The following OSBPL10 variants were observed in gnomAD, a reference collection of about 807,000 sequenced individuals.
OSBPL10 encodes oxysterol binding protein like 10.
In OSBPL10, 49 loss-of-function variants were observed where a neutral mutation model predicts 81.7. The ratio of observed to expected loss-of-function variants is 0.60; its 90% CI spans 0.48 to 0.76. The LOEUF (loss-of-function observed/expected upper bound fraction) is 0.76. OSBPL10 is among the 30% of genes least tolerant of loss of function. The probability of loss-of-function intolerance (pLI) is 0.00; values close to 1 mark genes in which losing one functional copy is unlikely to be tolerated. For synonymous variants in OSBPL10, 419 were observed against 383.6 expected (o/e 1.09, Z -1.08); for missense variants, 923 against 987.8 (o/e 0.93, Z 0.88).
At chr3:31,797,000 T>TTTG (rs1699239653) in intron 4 of OSBPL10, among the ~76,000 whole-genome samples, 1 of 144,442 alleles carries the variant, frequency 6.9e-6, no homozygotes, top group South Asian at 2.2e-4. Flanking sequence ...TTAATTTTTT[T>TTTG]TTTTTTTTTT....
chr3:31,807,553 G>A (rs1699552253), intron 4 of OSBPL10, among the ~76,000 whole-genome samples: 1 of 146,074 alleles, frequency 6.8e-6, no homozygotes, highest in African/African-American at 2.6e-5. Context: ...TATCATTTGA[G>A]TTCAAGACCA....
At chr3:32,002,124 T>C (rs1699155192) in intron 2 of OSBPL10, among the ~76,000 whole-genome samples, 1 of 152,188 alleles carries the variant, frequency 6.6e-6, no homozygotes, top group African/African-American at 2.4e-5. Flanking sequence ...CAAGTCCATC[T>C]AGGGGAAAAC....
chr3:31,907,203 A>G (rs575249076), intron 1 of OSBPL10, among the ~76,000 whole-genome samples: 2 of 152,322 alleles, frequency 1.3e-5, no homozygotes, highest in South Asian at 2.1e-4. Flanking sequence ...TCAGACCAAA[A>G]AAGAACTCTA....
intron 2 of OSBPL10, among the ~76,000 whole-genome samples, chr3:32,039,905 G>C (rs576638786): frequency 6.6e-6 from 1 of 152,032 alleles, no homozygotes; most frequent in Non-Finnish European, 1.5e-5. Context: ...TCTCACTCAC[G>C]GATAGGTGTG....
intron 1 of OSBPL10, among the ~76,000 whole-genome samples, chr3:31,886,769 G>A (rs573986516): frequency 2.4e-4 from 37 of 152,020 alleles, no homozygotes; most frequent in African/African-American, 8.0e-4. Context: ...GTGAAACCTC[G>A]TCTCTACTAA....
chr3:31,775,476 T>C (rs1400644420), intron 4 of OSBPL10, among the ~76,000 whole-genome samples: 3 of 147,844 alleles, frequency 2.0e-5, no homozygotes, highest in African/African-American at 7.3e-5. Context: ...GTGGATGCCT[T>C]GAAACAGATC....
intron 2 of OSBPL10, among the ~76,000 whole-genome samples, chr3:32,017,538 C>T (rs1158693100): frequency 1.3e-5 from 2 of 151,988 alleles, no homozygotes; most frequent in African/African-American, 4.8e-5. Flanking sequence ...TTCTCTTAAT[C>T]TACTGTTTGG....
intron 1 of OSBPL10, among the ~76,000 whole-genome samples, chr3:31,946,005 G>T (rs754902305): frequency 6.6e-6 from 1 of 150,968 alleles, no homozygotes; most frequent in Non-Finnish European, 1.5e-5. Flanking sequence ...TTCTGAGATG[G>T]GTTTCACTCT....
chr3:32,008,697 G>C (rs1259612537), intron 2 of OSBPL10, among the ~76,000 whole-genome samples: 1 of 150,350 alleles, frequency 6.7e-6, no homozygotes, highest in Admixed American at 6.6e-5. Context: ...CTGCGGTAAG[G>C]CAAGATTGCA....
intron 6 of OSBPL10, among the ~76,000 whole-genome samples, chr3:31,730,634 A>G (rs1696946871): frequency 6.6e-6 from 1 of 152,372 alleles, no homozygotes; most frequent in East Asian, 1.9e-4. Flanking sequence ...ACTACATTTT[A>G]TAACAGAGCC....
chr3:31,672,376 GA>G, intron 8 of OSBPL10, among the ~76,000 whole-genome samples: 1 of 112,012 alleles, frequency 8.9e-6, no homozygotes. Context: ...GGGGGGGCAG[GA>G]GGGAGGGAGA....
upstream of OSBPL10, among the ~76,000 whole-genome samples, chr3:31,982,586 C>A (rs945833205): frequency 5.3e-5 from 8 of 151,836 alleles, no homozygotes; most frequent in Admixed American, 4.6e-4. Flanking sequence ...GGAGAAGCTT[C>A]TGGAGTTGAA....
At chr3:31,852,600 C>G (rs780694051) in intron 3 of OSBPL10, among the ~76,000 whole-genome samples, 58 of 147,256 alleles carry the variant, frequency 3.9e-4, no homozygotes, top group Non-Finnish European at 7.5e-4. Flanking sequence ...TGTTTTGAGA[C>G]AGGGTTTCGC....
At chr3:31,876,405 G>A (rs1307460521) in intron 3 of OSBPL10, 28 bp downstream of exon 3, 1 of 1,562,878 alleles carries the variant, frequency 6.4e-7, no homozygotes, top group Non-Finnish European at 8.8e-7. Flanking sequence ...TTATTCGAAT[G>A]CCTCCTTCCT....
chr3:31,805,385 C>T (rs999968218), intron 4 of OSBPL10, among the ~76,000 whole-genome samples: 1 of 152,126 alleles, frequency 6.6e-6, no homozygotes, highest in African/African-American at 2.4e-5. Context: ...CCACAGTGCC[C>T]TTCCAGAAGC....
chr3:32,072,863 G>T (rs1454520940), intron 1 of OSBPL10, among the ~76,000 whole-genome samples: 1 of 152,104 alleles, frequency 6.6e-6, no homozygotes, highest in African/African-American at 2.4e-5. Flanking sequence ...CTTCCTTTTT[G>T]TCAGACATAA....
intron 2 of OSBPL10, among the ~76,000 whole-genome samples, chr3:32,021,954 TGGG>T (rs1559550769): frequency 6.6e-6 from 1 of 150,626 alleles, no homozygotes; most frequent in Non-Finnish European, 1.5e-5. Flanking sequence ...CACTCCAGCC[TGGG>T]CAACAGGAGA....
chr3:31,757,720 A>G lies in OSBPL10; in HGVS notation c.730-9600T>C, dbSNP rs576172177. On this transcript the variant is annotated intron_variant, in intron 4 of 11. Coordinates refer to ENST00000396556, the MANE Select transcript of OSBPL10 (RefSeq NM_017784.5). ...TTTAGAACAAAAGTTCCTTCAAAGC[A>G]ATCTCTATCAGTTTTTCTCATGTAA... 2.1e-4 allele frequency among the ~76,000 whole-genome samples: 32 copies of G among 152,376 alleles called. No homozygotes were observed. In the Middle Eastern group the frequency reaches 0.01, roughly 49 times the overall value.
intron 2 of OSBPL10, among the ~76,000 whole-genome samples, chr3:32,009,990 T>C (rs555990437): frequency 1.1e-4 from 17 of 152,334 alleles, no homozygotes; most frequent in Non-Finnish European, 1.9e-4. Context: ...ACTCCCAATG[T>C]GACTGTATTT....
Sources: gnomAD v4.1 joint callset for allele counts (sites outside exome capture counted in the v4.1 genomes callset) on GRCh38, gnomAD v4.1.1 for gene constraint, MANE v1.5 for transcripts, NCBI Gene and HGNC (gene_info 2026-07-23, HGNC 2026-07-21) for gene names.